The following MKLN1 variants were observed in gnomAD, a reference collection of about 807,000 sequenced individuals.
MKLN1 encodes muskelin.
Under a neutral mutation model 99.0 loss-of-function variants are expected in MKLN1, and 18 were observed. The ratio of observed to expected loss-of-function variants is 0.18; its 90% confidence interval spans 0.13 to 0.27. The LOEUF (loss-of-function observed/expected upper bound fraction) is 0.27, where lower values mean the gene tolerates loss of function less well. Ranked by LOEUF, MKLN1 falls within the 10% of genes least tolerant of loss-of-function variation. MKLN1 has a pLI of 1.00. For missense variants in MKLN1, 621 were observed against 875.9 expected (o/e 0.71, Z 3.67); for synonymous variants, 288 against 293.2 (o/e 0.98, Z 0.18).
At chr7:131,273,068 A>G (rs1797911550) in intron 3 of MKLN1, among the ~76,000 whole-genome samples, 1 of 152,226 alleles carries the variant, frequency 6.6e-6, no homozygotes, top group African/African-American at 2.4e-5. Flanking sequence ...CTTGTTCAAC[A>G]AGTGAGGAGA....
chr7:131,348,329 A>G (rs1263481198), intron 1 of MKLN1, among the ~76,000 whole-genome samples: 1 of 152,208 alleles, frequency 6.6e-6, no homozygotes, highest in Admixed American at 6.5e-5. Context: ...AAAGTCCAGC[A>G]TACAACTACA....
At chr7:131,467,340 CATA>C (rs951197194) in intron 15 of MKLN1, among the ~76,000 whole-genome samples, 50 of 152,084 alleles carry the variant, frequency 3.3e-4, no homozygotes, top group African/African-American at 1.1e-3. Context: ...TAACAATAAA[CATA>C]ATAAGGAATT....
At chr7:131,409,553 T>C (rs948748681) in intron 6 of MKLN1, among the ~76,000 whole-genome samples, 1 of 152,144 alleles carries the variant, frequency 6.6e-6, no homozygotes, top group Non-Finnish European at 1.5e-5. Context: ...AGCTGAAAAG[T>C]CTTGAAAGCG....
chr7:131,473,540 C>A (rs1216172421), intron 16 of MKLN1, among the ~76,000 whole-genome samples: 1 of 151,932 alleles, frequency 6.6e-6, no homozygotes, highest in Admixed American at 6.6e-5. Flanking sequence ...ATATTTTTTT[C>A]TAGAAAAGCC....
At chr7:131,360,286 AAATT>A (rs1799992350) in intron 1 of MKLN1, among the ~76,000 whole-genome samples, 1 of 152,212 alleles carries the variant, frequency 6.6e-6, no homozygotes, top group Admixed American at 6.5e-5. Context: ...ATTCACATAC[AAATT>A]GATTGTTGAT....
At chr7:131,242,946 G>T in intron 3 of MKLN1, 1 of 652,516 alleles carries the variant, frequency 1.5e-6, no homozygotes. Flanking sequence ...GGTCAAGTTT[G>T]AAGAGAGATA....
chr7:131,304,453 A>G (rs1391924631), intron 3 of MKLN1, among the ~76,000 whole-genome samples: 4 of 152,180 alleles, frequency 2.6e-5, no homozygotes, highest in African/African-American at 9.6e-5. Context: ...GAGATGTGTA[A>G]ACAGCCTGGT....
intron 1 of MKLN1, among the ~76,000 whole-genome samples, chr7:131,126,501 G>A (rs1795461287): frequency 6.6e-6 from 1 of 152,098 alleles, no homozygotes; most frequent in African/African-American, 2.4e-5. Context: ...TAACACGGCG[G>A]TGTTTTTTGG....
At chr7:131,258,071 T>C (rs1193096142) in intron 3 of MKLN1, among the ~76,000 whole-genome samples, 1 of 150,972 alleles carries the variant, frequency 6.6e-6, no homozygotes, top group African/African-American at 2.4e-5. Flanking sequence ...CAGTGAGCCA[T>C]GATCATGCCA....
At chr7:131,373,291 T>C (rs1177668697) in intron 1 of MKLN1, among the ~76,000 whole-genome samples, 2 of 152,092 alleles carry the variant, frequency 1.3e-5, no homozygotes, top group Non-Finnish European at 2.9e-5. Context: ...AATTTTTGAA[T>C]ATTGATTTTG....
At chr7:131,235,916 G>T (rs1466388112) in intron 3 of MKLN1, among the ~76,000 whole-genome samples, 1 of 152,174 alleles carries the variant, frequency 6.6e-6, no homozygotes, top group African/African-American at 2.4e-5. Context: ...CGTCACCTTG[G>T]AAACCAATGC....
chr7:131,309,168 A>C (rs1345816860), intron 3 of MKLN1, among the ~76,000 whole-genome samples: 2 of 152,224 alleles, frequency 1.3e-5, no homozygotes, highest in East Asian at 3.8e-4. Context: ...CCTGTAGACA[A>C]AGGAGAGTTA....
At chr7:131,175,029 CAGATGGATGGAT>C (rs1372104874) in intron 2 of MKLN1, among the ~76,000 whole-genome samples, 6 of 105,838 alleles carry the variant, frequency 5.7e-5, no homozygotes, top group African/African-American at 2.1e-4. Flanking sequence ...TATAGATAGG[CAGATGGATGGAT>C]GGATGGATGG....
chr7:131,229,157 G>T (rs558123716), intron 3 of MKLN1, among the ~76,000 whole-genome samples: 21 of 113,886 alleles, frequency 1.8e-4, no homozygotes, highest in Middle Eastern at 4.3e-3. Context: ...GGGTTTTAGG[G>T]ATTCTTTTTT....
chr7:131,328,137 T>G, intron 1 of MKLN1, 140 bp downstream of exon 1: 1 of 1,058,574 alleles, frequency 9.4e-7, no homozygotes, highest in Non-Finnish European at 1.4e-6. Flanking sequence ...GGAGTCTTAG[T>G]TCAGCTGCTG....
intron 1 of MKLN1, among the ~76,000 whole-genome samples, chr7:131,121,223 A>T (rs1024690157): frequency 6.6e-6 from 1 of 152,142 alleles, no homozygotes; most frequent in African/African-American, 2.4e-5. Context: ...CATGAACAGC[A>T]AGGGGGAAAT....
chr7:131,417,431 G>A (rs143341819), intron 8 of MKLN1, among the ~76,000 whole-genome samples: 1 of 151,302 alleles, frequency 6.6e-6, no homozygotes, highest in Admixed American at 6.6e-5. Context: ...AGATTTTTCA[G>A]CCTTTAAAAG....
intron 1 of MKLN1, among the ~76,000 whole-genome samples, chr7:131,354,997 T>C (rs1799831262): frequency 6.6e-6 from 1 of 152,174 alleles, no homozygotes; most frequent in South Asian, 2.1e-4. Context: ...ACCAGGCTTG[T>C]CTTGAACTCC....
intron 2 of MKLN1, among the ~76,000 whole-genome samples, chr7:131,143,106 A>T (rs1173226656): frequency 6.6e-6 from 1 of 152,198 alleles, no homozygotes; most frequent in Non-Finnish European, 1.5e-5. Context: ...TGCTATGTGT[A>T]CAAAGAAATG....
Sources: gnomAD v4.1 joint callset for allele counts (sites outside exome capture counted in the v4.1 genomes callset) on GRCh38, gnomAD v4.1.1 for gene constraint, MANE v1.5 for transcripts, NCBI Gene and HGNC (gene_info 2026-07-23, HGNC 2026-07-21) for gene names.